The following SVOP variants were observed in gnomAD, a reference collection of about 807,000 sequenced individuals.
The protein encoded by SVOP is SV2 related protein.
Under a neutral mutation model 69.1 loss-of-function variants are expected in SVOP, and 17 were observed. That is an observed-to-expected ratio of 0.25 (90% CI 0.17 to 0.37). The LOEUF is 0.37. Ranked by LOEUF, SVOP falls within the 10% of genes least tolerant of loss-of-function variation. The probability of loss-of-function intolerance (pLI) is 1.00; values close to 1 mark genes in which losing one functional copy is unlikely to be tolerated. For synonymous variants in SVOP, 238 were observed against 238.6 expected, an observed-to-expected ratio of 1.00 and a Z score of 0.02; for missense variants, 435 against 597.5, an observed-to-expected ratio of 0.73 and a Z score of 2.84.
intron 1 of SVOP, among the ~76,000 whole-genome samples, chr12:109,012,056 G>T (rs752079001): frequency 1.3e-5 from 2 of 152,168 alleles, no homozygotes; most frequent in Admixed American, 6.5e-5. Flanking sequence ...GCTGAAGCAG[G>T]CAGATCACCT....
At chr12:108,915,739 G>A in intron 15 of SVOP, 44 bp downstream of exon 15, 1 of 1,555,452 alleles carries the variant, frequency 6.4e-7, no homozygotes, top group Non-Finnish European at 8.7e-7. Context: ...CATGCATGGG[G>A]TTTTGTCACC....
chr12:108,938,233 T>C (rs2039867793), intron 9 of SVOP, among the ~76,000 whole-genome samples: 1 of 152,254 alleles, frequency 6.6e-6, no homozygotes, highest in Non-Finnish European at 1.5e-5. Context: ...GTCATGTTTC[T>C]TCAATCGGCT....
intron 5 of SVOP, among the ~76,000 whole-genome samples, chr12:108,966,822 T>C (rs1593193656): frequency 6.6e-6 from 1 of 152,174 alleles, no homozygotes; most frequent in Admixed American, 6.5e-5. Flanking sequence ...TTCTGAGGGA[T>C]AATTCAGTTA....
rs753078348 is a variant in SVOP at position 108,938,869 on chromosome 12, G to A, written c.855C>T (p.Asn285=). Reference sequence around the variant, plus strand: ...GTTTCCCCAGCGGCATGGGAGCTCCGTTTTCAGTTGCTATCCTCTTTAAGG... The same window carrying A: ...GTTTCCCCAGCGGCATGGGAGCTCCATTTTCAGTTGCTATCCTCTTTAAGG... ...IATLKRIATE[N]GAPMPLGKLI... The change falls in exon 9 of 16, where the codon AAC becomes AAT. Residue 285 remains asparagine, a synonymous_variant. Transcript: ENST00000610966. 6.2e-6 allele frequency: 10 copies of A among 1,613,980 alleles called. No individual in the cohort carries two copies. Among genetic ancestry groups the A allele is most frequent in the African/African-American group, 2.7e-5 (2 of 75,032 alleles).
chr12:108,945,269 A>G, intron 6 of SVOP, 103 bp from the exon 7 acceptor site: 3 of 1,069,222 alleles, frequency 2.8e-6, no homozygotes, highest in Non-Finnish European at 4.1e-6. Flanking sequence ...AAGGGTGGTC[A>G]GTGAACCACT....
chr12:109,007,194 G>T (rs1484730970), intron 1 of SVOP, among the ~76,000 whole-genome samples: 1 of 152,176 alleles, frequency 6.6e-6, no homozygotes. Flanking sequence ...GTATCCCTCA[G>T]CTTTGTCCCA....
Position 108,972,399 on chromosome 12 carries a change from C to A in SVOP, c.453+6G>T. 6.5e-7 allele frequency: 1 copy of A among 1,537,006 alleles called. No homozygotes were observed. The highest frequency in any genetic ancestry group is 1.2e-5 in the South Asian group (1 of 84,042). On this transcript the variant is annotated splice_donor_region_variant and intron_variant, in intron 5 of 15. Coordinates refer to ENST00000610966, the MANE Select transcript of SVOP (RefSeq NM_018711.5). ...ACATGCGTTTAGAAGAGTAAGTTTG[C>A]CTTACTGTTTTCCTGCCGTACTGGT... is the stretch of plus-strand genomic sequence containing the variant.
At chr12:108,956,514 C>T (rs1413893532) in intron 6 of SVOP, among the ~76,000 whole-genome samples, 2 of 152,144 alleles carry the variant, frequency 1.3e-5, no homozygotes, top group Non-Finnish European at 2.9e-5. Flanking sequence ...CAGAGACCAA[C>T]ATGGAGCCCC....
chr12:109,004,443 A>C (rs542893101), intron 1 of SVOP, among the ~76,000 whole-genome samples: 2 of 111,018 alleles, frequency 1.8e-5, no homozygotes, highest in Non-Finnish European at 3.7e-5. Flanking sequence ...ACAGGGTCTT[A>C]CTCTGTTGCC....
intron 2 of SVOP, among the ~76,000 whole-genome samples, chr12:108,981,693 G>C (rs2040135913): frequency 6.6e-6 from 1 of 152,168 alleles, no homozygotes; most frequent in South Asian, 2.1e-4. Flanking sequence ...GTTGGTAATA[G>C]ATCCAATTGG....
intron 6 of SVOP, among the ~76,000 whole-genome samples, chr12:108,957,622 T>C (rs765934491): frequency 5.9e-5 from 9 of 152,324 alleles, no homozygotes; most frequent in Admixed American, 2.0e-4. Context: ...CCATCTATCA[T>C]AGGGCCACCC....
At chr12:109,014,393 G>C (rs1220245886) in intron 1 of SVOP, among the ~76,000 whole-genome samples, 1 of 152,106 alleles carries the variant, frequency 6.6e-6, no homozygotes, top group Non-Finnish European at 1.5e-5. Flanking sequence ...AAATTGCTAA[G>C]AGAAGAGATT....
chr12:108,997,363 A>C (rs1363914150), intron 1 of SVOP, among the ~76,000 whole-genome samples: 3 of 151,304 alleles, frequency 2.0e-5, no homozygotes, highest in African/African-American at 7.2e-5. Flanking sequence ...TCAAACTGCA[A>C]GGCGGCAGCG....
At chr12:108,985,074 A>G (rs905450683) in intron 1 of SVOP, among the ~76,000 whole-genome samples, 22 of 151,934 alleles carry the variant, frequency 1.4e-4, no homozygotes, top group Non-Finnish European at 2.8e-4. Flanking sequence ...AAAAAAGAAA[A>G]AAATTAGTTG....
At chr12:108,939,054 T>C (rs1000853380) in intron 8 of SVOP, 99 bp from the exon 9 acceptor site, 3 of 1,539,834 alleles carry the variant, frequency 1.9e-6, no homozygotes, top group Admixed American at 1.9e-5. Flanking sequence ...TCTTTAAGAG[T>C]GGGGGCTCTG....
intron 6 of SVOP, 71 bp from the exon 7 acceptor site, chr12:108,945,237 A>C: frequency 6.9e-7 from 1 of 1,457,526 alleles, no homozygotes; most frequent in Non-Finnish European, 9.3e-7. Context: ...CCGTTTTCTG[A>C]ATTTGCAGCC....
chr12:109,008,085 A>G (rs1378315699), intron 1 of SVOP, among the ~76,000 whole-genome samples: 1 of 151,290 alleles, frequency 6.6e-6, no homozygotes, highest in Non-Finnish European at 1.5e-5. Flanking sequence ...GAGGCTGGAG[A>G]GGTTACACCA....
At chr12:108,936,010 G>A (rs1340311032) in intron 10 of SVOP, among the ~76,000 whole-genome samples, 2 of 103,964 alleles carry the variant, frequency 1.9e-5, no homozygotes, top group East Asian at 4.4e-4. Flanking sequence ...GGAAGACACT[G>A]ACATAGTATA....
intron 11 of SVOP, among the ~76,000 whole-genome samples, chr12:108,924,865 T>G (rs748477162): frequency 3.3e-5 from 5 of 151,934 alleles, no homozygotes; most frequent in Non-Finnish European, 7.4e-5. Context: ...CACCATTGAG[T>G]AGACATAATA....
Sources: allele counts gnomAD v4.1 joint callset (sites outside exome capture counted in the v4.1 genomes callset), GRCh38; gene constraint gnomAD v4.1.1; transcripts MANE v1.5; gene names NCBI Gene and HGNC (gene_info 2026-07-23, HGNC 2026-07-21).